Variants in HDAC9 observed in about 807,000 individuals in gnomAD.
HDAC9 encodes histone deacetylase 9, also known as MEF-2 interacting transcription repressor (MITR) protein.
HDAC9 carries 41 observed loss-of-function variants against 139.4 expected under a neutral mutation model. That is an observed-to-expected ratio of 0.29 (90% CI 0.23 to 0.38). The LOEUF is 0.38. Ranked by LOEUF, HDAC9 falls within the 10% of genes least tolerant of loss-of-function variation. HDAC9 has a pLI of 1.00. For synonymous variants in HDAC9, 517 were observed against 476.2 expected, an observed-to-expected ratio of 1.09 and a Z score of -1.12; for missense variants, 1,147 against 1,297.0, an observed-to-expected ratio of 0.88 and a Z score of 1.78.
At chr7:18,107,928 A>G (rs1436456660) in intron 1 of HDAC9, among the ~76,000 whole-genome samples, 1 of 152,104 alleles carries the variant, frequency 6.6e-6, no homozygotes, top group East Asian at 1.9e-4. Flanking sequence ...TTTCGACCCT[A>G]TATGTCTTAT....
chr7:18,531,583 A>G (rs1918283), intron 2 of HDAC9, among the ~76,000 whole-genome samples: 1,875 of 152,302 alleles, frequency 0.012, 16 homozygotes, highest in Non-Finnish European at 0.019. Context: ...AATCAAGTTA[A>G]TGCATGACCT....
chr7:18,565,306 A>G (rs1821948431), intron 2 of HDAC9, among the ~76,000 whole-genome samples: 1 of 152,202 alleles, frequency 6.6e-6, no homozygotes, highest in African/African-American at 2.4e-5. Context: ...AAATAAATGT[A>G]TTTTTTAAAA....
intron 16 of HDAC9, among the ~76,000 whole-genome samples, chr7:18,775,138 A>G (rs1004835700): frequency 1.8e-4 from 28 of 152,092 alleles, no homozygotes; most frequent in African/African-American, 6.3e-4. Flanking sequence ...ACTGTCTTAT[A>G]TGGGCACGAT....
chr7:18,329,750 T>C (rs1800766853), intron 1 of HDAC9, among the ~76,000 whole-genome samples: 1 of 151,742 alleles, frequency 6.6e-6, no homozygotes, highest in Admixed American at 6.6e-5. Context: ...AAGCCTTCTG[T>C]TTCTTTCCTC....
intron 2 of HDAC9, among the ~76,000 whole-genome samples, chr7:18,178,125 C>G (rs541521830): frequency 2.2e-4 from 34 of 151,638 alleles, no homozygotes; most frequent in African/African-American, 8.2e-4. Context: ...GCTCTGTCAC[C>G]CAGGCTGGAG....
chr7:18,925,934 C>G (rs1040341928), intron 22 of HDAC9, among the ~76,000 whole-genome samples: 1 of 150,922 alleles, frequency 6.6e-6, no homozygotes, highest in African/African-American at 2.4e-5. Context: ...CAAAAAATTG[C>G]TCTCTGGTAT....
chr7:18,592,355 A>G (rs1831239614), intron 5 of HDAC9, among the ~76,000 whole-genome samples: 1 of 152,132 alleles, frequency 6.6e-6, no homozygotes. Context: ...TATTTCTGTA[A>G]GTCCAATACA....
intron 25 of HDAC9, among the ~76,000 whole-genome samples, chr7:18,995,025 C>T (rs1318777313): frequency 6.6e-6 from 1 of 152,156 alleles, no homozygotes; most frequent in Non-Finnish European, 1.5e-5. Context: ...TGTTAGACAG[C>T]AAAGGGACAA....
At chr7:18,459,430 T>G (rs1167879889) in intron 1 of HDAC9, among the ~76,000 whole-genome samples, 1 of 152,130 alleles carries the variant, frequency 6.6e-6, no homozygotes, top group African/African-American at 2.4e-5. Context: ...TAAATAGCAT[T>G]TTGGTAGTTT....
intron 22 of HDAC9, among the ~76,000 whole-genome samples, chr7:18,898,612 T>G (rs913884105): frequency 1.3e-5 from 2 of 151,920 alleles, no homozygotes. Context: ...AGAAAGGGTA[T>G]GTACTCAGAG....
chr7:18,829,631 G>T, intron 19 of HDAC9, 83 bp downstream of exon 19: 1 of 875,904 alleles, frequency 1.1e-6, no homozygotes, highest in South Asian at 1.6e-5. Context: ...AGGTTGTCTT[G>T]CTTTTAGCAC....
At chr7:18,582,175 AT>A (rs1009013923) in intron 2 of HDAC9, among the ~76,000 whole-genome samples, 44 of 152,312 alleles carry the variant, frequency 2.9e-4, no homozygotes, top group Middle Eastern at 3.4e-3. Context: ...TTAAATTCAC[AT>A]GGAAAATTAA....
At chr7:18,333,816 A>G (rs969592520) in intron 1 of HDAC9, among the ~76,000 whole-genome samples, 3 of 151,456 alleles carry the variant, frequency 2.0e-5, no homozygotes, top group Non-Finnish European at 4.4e-5. Flanking sequence ...AGTGGAGTTT[A>G]TATATGCAAG....
chr7:18,270,092 C>T (rs1235187958), intron 2 of HDAC9, among the ~76,000 whole-genome samples: 1 of 151,992 alleles, frequency 6.6e-6, no homozygotes, highest in Non-Finnish European at 1.5e-5. Context: ...ATTGTGACAA[C>T]CAAAAATGTC....
intron 25 of HDAC9, among the ~76,000 whole-genome samples, chr7:18,986,819 T>C (rs1387158748): frequency 6.6e-6 from 1 of 152,152 alleles, no homozygotes; most frequent in Non-Finnish European, 1.5e-5. Context: ...AGGTATTTTA[T>C]TCTCTTTGAA....
chr7:18,915,248 T>C (rs1563052351), intron 22 of HDAC9, among the ~76,000 whole-genome samples: 1 of 152,050 alleles, frequency 6.6e-6, no homozygotes, highest in African/African-American at 2.4e-5. Context: ...ACATTTTCTT[T>C]AGATTGCCTG....
intron 1 of HDAC9, among the ~76,000 whole-genome samples, chr7:18,324,372 C>T (rs1189489601): frequency 6.6e-6 from 1 of 152,138 alleles, no homozygotes; most frequent in South Asian, 2.1e-4. Context: ...CTCTTAGTGT[C>T]TCAATTTTCC....
intron 21 of HDAC9, among the ~76,000 whole-genome samples, chr7:18,845,374 T>A (rs1796839662): frequency 6.6e-6 from 1 of 152,184 alleles, no homozygotes; most frequent in Non-Finnish European, 1.5e-5. Flanking sequence ...GAGCTGAGCA[T>A]AAAATCTGCA....
chr7:18,928,431 A>G (rs1804426981), intron 22 of HDAC9, among the ~76,000 whole-genome samples: 1 of 152,246 alleles, frequency 6.6e-6, no homozygotes, highest in South Asian at 2.1e-4. Flanking sequence ...TGAAACAGAT[A>G]AGTTAGCAAT....
Sources: gnomAD v4.1 joint callset for allele counts (sites outside exome capture counted in the v4.1 genomes callset) on GRCh38, gnomAD v4.1.1 for gene constraint, MANE v1.5 for transcripts, NCBI Gene and HGNC (gene_info 2026-07-23, HGNC 2026-07-21) for gene names.